Variants in MAST2 observed in about 807,000 individuals in gnomAD.
MAST2 encodes microtubule-associated serine/threonine-protein kinase 2.
In MAST2, 70 loss-of-function variants were observed where a neutral mutation model predicts 147.4. The observed-to-expected ratio is 0.47, with a 90% CI of 0.39 to 0.58. MAST2 has a LOEUF of 0.58. MAST2 is among the 20% of genes least tolerant of loss of function. The pLI is 0.00. For synonymous variants in MAST2, 869 were observed against 896.8 expected, an observed-to-expected ratio of 0.97 and a Z score of 0.55; for missense variants, 2,080 against 2,302.3, an observed-to-expected ratio of 0.90 and a Z score of 1.98.
rs373007697 is a variant in MAST2, at chr1:45,893,581, T to G, written c.500+11186T>G. The stretch of plus-strand genomic sequence containing the variant: ...AACTGAAATTAAGACTGAAAACACT[T>G]CTTCCTGTAGGATATTTTAAAAAAA... On this transcript the variant is annotated intron_variant, in intron 4 of 28. Coordinates refer to ENST00000361297, the MANE Select transcript of MAST2 (RefSeq NM_015112.3). 2.1e-5 allele frequency among the ~76,000 whole-genome samples: 3 copies of G among 146,004 alleles called. No homozygotes were observed. In the East Asian group the frequency reaches 6.0e-4, roughly 29 times the overall value.
At chr1:46,022,115 C>T (rs928797275) in intron 12 of MAST2, 33 bp downstream of exon 12, 2 of 1,611,050 alleles carry the variant, frequency 1.2e-6, no homozygotes, top group Non-Finnish European at 1.7e-6. Flanking sequence ...GCAAAGAGGC[C>T]CCACTGCTGC....
At position 46,023,361 on chromosome 1, in the gene MAST2, C is replaced by A; in HGVS notation, c.1571+43C>A. ...GGTGTGGCCAGGACTGAAGCCGGGT[C>A]AGCCTTTGATCTCTTCCATGTGAGA... On this transcript the variant is annotated intron_variant, in intron 14 of 28. Transcript: ENST00000361297. The surrounding 1 kb of genome is among the most constrained non-coding windows in gnomAD (Gnocchi z 4.9). The A allele has an allele frequency of 6.4e-7, 1 of 1,564,576 alleles. No homozygotes were observed. Among genetic ancestry groups the A allele is most frequent in the South Asian group, 1.1e-5 (1 of 90,044 alleles).
At chr1:45,870,026 C>CGATTCTCCA (rs1371226262) in intron 3 of MAST2, among the ~76,000 whole-genome samples, 1 of 152,142 alleles carries the variant, frequency 6.6e-6, no homozygotes, top group East Asian at 1.9e-4. Context: ...TGGGTTCAAG[C>CGATTCTCCA]GATTCTCCAG....
chr1:46,014,127 C>T (rs999640594), intron 10 of MAST2, among the ~76,000 whole-genome samples: 3 of 151,544 alleles, frequency 2.0e-5, no homozygotes, highest in South Asian at 2.1e-4. Flanking sequence ...ATTATATCTT[C>T]GTTTTCATTG....
At chr1:45,836,828 C>A (rs1645116451) in intron 3 of MAST2, among the ~76,000 whole-genome samples, 1 of 152,138 alleles carries the variant, frequency 6.6e-6, no homozygotes, top group Non-Finnish European at 1.5e-5. Context: ...TAGAACAGAA[C>A]AGCATTCCCC....
At chr1:45,909,306 G>A (rs930879917) in intron 4 of MAST2, among the ~76,000 whole-genome samples, 1 of 151,898 alleles carries the variant, frequency 6.6e-6, no homozygotes, top group African/African-American at 2.4e-5. Flanking sequence ...CTTTATCATA[G>A]GCAGTGACTG....
rs111663390 is a variant in MAST2 at position 46,030,451 on chromosome 1, G to A, written c.2554-156G>A. On this transcript the variant is annotated intron_variant, in intron 21 of 28. Transcript: ENST00000361297. Reference sequence around the variant, plus strand: ...CATGAGATGCCAGGTCAGATCAGTGGAATAACTCCTTCCCCAAATATTCAG... The same window carrying A: ...CATGAGATGCCAGGTCAGATCAGTGAAATAACTCCTTCCCCAAATATTCAG... 321 of 960,086 alleles carry A rather than the reference G, an allele frequency of 3.3e-4. 1 individual carries two copies. The African/African-American group carries it at 4.9e-3, about 15-fold the overall frequency. 59.5% of individuals were successfully genotyped at this position (960,086 alleles called of 1,614,324 possible).
intron 4 of MAST2, among the ~76,000 whole-genome samples, chr1:45,937,953 A>G (rs980914953): frequency 6.6e-6 from 1 of 152,164 alleles, no homozygotes; most frequent in Non-Finnish European, 1.5e-5. Flanking sequence ...CAGAAAGTTT[A>G]CTTGTACCCA....
intron 3 of MAST2, among the ~76,000 whole-genome samples, chr1:45,842,474 C>T (rs1182900315): frequency 6.6e-6 from 1 of 152,148 alleles, no homozygotes; most frequent in Non-Finnish European, 1.5e-5. Context: ...CCTTTCTCCC[C>T]ACTCCCCTTC....
At chr1:45,928,567 C>CTTTTTTTT (rs11374683) in intron 4 of MAST2, among the ~76,000 whole-genome samples, 8 of 143,720 alleles carry the variant, frequency 5.6e-5, no homozygotes, top group Non-Finnish European at 7.6e-5. Context: ...ATCACTCTTT[C>CTTTTTTTT]TTTTTTTTTT....
rs1383061920 is a variant in MAST2 at position 45,915,666 on chromosome 1, C to T, written c.500+33271C>T. 4.0e-5 allele frequency among the ~76,000 whole-genome samples: 6 copies of T among 148,530 alleles called. No homozygotes were observed. In the East Asian group the frequency reaches 5.9e-4, roughly 15 times the overall value. On this transcript the variant is annotated intron_variant, in intron 4 of 28. Transcript: ENST00000361297. ...CGGAACTTGCAGTGAGCCGAGATGG[C>T]GCCACTGTACTCCAGCCTGGGTGAC...
chr1:46,033,594 C>T (rs148248001), intron 26 of MAST2, among the ~76,000 whole-genome samples: 215 of 152,282 alleles, frequency 1.4e-3, no homozygotes, highest in Middle Eastern at 3.4e-3. Context: ...CTGTTTTCTA[C>T]CTTCTTACCC....
intron 4 of MAST2, among the ~76,000 whole-genome samples, chr1:45,907,260 T>C (rs987321476): frequency 2.0e-5 from 3 of 152,330 alleles, no homozygotes; most frequent in Admixed American, 6.5e-5. Context: ...TTGATGTTCT[T>C]TGTGAGTTTT....
chr1:45,992,919 A>T (rs1376798224), intron 5 of MAST2, among the ~76,000 whole-genome samples: 1 of 151,928 alleles, frequency 6.6e-6, no homozygotes, highest in Non-Finnish European at 1.5e-5. Flanking sequence ...TTATTGGCTT[A>T]TAGGCTATAA....
rs377612125 is a variant in MAST2 at position 46,025,825 on chromosome 1, C to T, written c.1919+10C>T. 61 of 1,614,072 alleles carry T rather than the reference C, an allele frequency of 3.8e-5. No homozygotes were observed. Among genetic ancestry groups the T allele is most frequent in the Non-Finnish European group, 4.7e-5 (56 of 1,180,030 alleles). ...ACCTCAAGCCTGACAAGTATGTCCA[C>T]AGTCTGTGTCCCTTGTCCAGGGTCT... On this transcript the variant is annotated intron_variant, in intron 16 of 28. Transcript: ENST00000361297.
intron 3 of MAST2, among the ~76,000 whole-genome samples, chr1:45,868,246 A>G (rs1454590005): frequency 2.0e-5 from 3 of 152,182 alleles, no homozygotes; most frequent in African/African-American, 7.2e-5. Context: ...GTTCCTTGTG[A>G]ATTGAAGGAG....
In MAST2 at chr1:45,966,861, C is replaced by CTT. The variant is rs58072402; in HGVS notation, c.592+7406_592+7407dup. On this transcript the variant is annotated intron_variant, in intron 5 of 28. Coordinates refer to ENST00000361297, the MANE Select transcript of MAST2 (RefSeq NM_015112.3). ...GTGGTGTCAGTGTGTGGATCTGGGT[C>CTT]TTTTTTTTTTTTTTTTTTTTTTTAA... is the stretch of plus-strand genomic sequence containing the variant. 5.8e-3 allele frequency among the ~76,000 whole-genome samples: 643 copies of CTT among 111,020 alleles called. 14 individuals are homozygous for CTT. Among genetic ancestry groups the CTT allele is most frequent in the East Asian group, 0.016 (60 of 3,668 alleles). 72.8% of individuals were successfully genotyped at this position (111,020 alleles called of 152,430 possible).
intron 4 of MAST2, among the ~76,000 whole-genome samples, chr1:45,926,228 G>T (rs1251226976): frequency 6.6e-6 from 1 of 152,100 alleles, no homozygotes; most frequent in Non-Finnish European, 1.5e-5. Context: ...AGTATTTCAA[G>T]GATTATAGTA....
chr1:45,872,162 C>G (rs1383236521), intron 3 of MAST2, among the ~76,000 whole-genome samples: 1 of 152,182 alleles, frequency 6.6e-6, no homozygotes, highest in Non-Finnish European at 1.5e-5. Context: ...AGTGCTGCTA[C>G]TGCAGTAGGG....
Sources: gnomAD v4.1 joint callset for allele counts (sites outside exome capture counted in the v4.1 genomes callset) on GRCh38, gnomAD v4.1.1 for gene constraint, Gnocchi (gnomAD v3.1) non-coding constraint, MANE v1.5 for transcripts, NCBI Gene and HGNC (gene_info 2026-07-23, HGNC 2026-07-21) for gene names.